Variants in SGCZ observed in about 807,000 individuals in gnomAD.
SGCZ encodes the protein sarcoglycan zeta, also known as zeta-sarcoglycan.
SGCZ carries 40 observed loss-of-function variants against 41.3 expected under a neutral mutation model. The observed-to-expected ratio is 0.97, with a 90% CI of 0.75 to 1.26. SGCZ has a LOEUF of 1.26. Ranked by LOEUF, SGCZ falls within the 50% of genes most tolerant of loss-of-function variation. SGCZ has a pLI of 0.00. For missense variants in SGCZ, 552 were observed against 369.8 expected (o/e 1.49, Z -4.04); for synonymous variants, 206 against 137.5 (o/e 1.50, Z -3.49).
At chr8:14,978,546 C>G (rs1429275330) in intron 1 of SGCZ, among the ~76,000 whole-genome samples, 1 of 135,960 alleles carries the variant, frequency 7.4e-6, no homozygotes, top group Non-Finnish European at 1.5e-5. Context: ...CCTTAAATTT[C>G]TGTCAGAGAG....
chr8:14,605,860 G>A (rs1466334601), intron 1 of SGCZ, among the ~76,000 whole-genome samples: 3 of 152,150 alleles, frequency 2.0e-5, no homozygotes, highest in East Asian at 1.9e-4. Context: ...ATGAGGGAAT[G>A]AGATGGCTCT....
intron 2 of SGCZ, among the ~76,000 whole-genome samples, chr8:14,412,638 C>T (rs1799390883): frequency 6.6e-6 from 1 of 151,998 alleles, no homozygotes; most frequent in African/African-American, 2.4e-5. Context: ...TTTTAATCTG[C>T]CTCATTTTCT....
chr8:14,994,563 A>G (rs1802146779), intron 1 of SGCZ, among the ~76,000 whole-genome samples: 1 of 151,396 alleles, frequency 6.6e-6, no homozygotes, highest in Non-Finnish European at 1.5e-5. Context: ...CAGCCTAGGC[A>G]ACAAGAGCAA....
At chr8:15,148,862 C>A (rs1799103728) in intron 1 of SGCZ, among the ~76,000 whole-genome samples, 1 of 152,124 alleles carries the variant, frequency 6.6e-6, no homozygotes, top group Admixed American at 6.6e-5. Flanking sequence ...TACCACTTGC[C>A]CCTCACACTG....
intron 2 of SGCZ, chr8:14,487,799 C>G (rs796663902): frequency 2.6e-5 from 4 of 152,168 alleles, no homozygotes; most frequent in African/African-American, 4.8e-5. Flanking sequence ...AAATCCAAAT[C>G]TACATGTCAT....
chr8:14,450,356 C>A (rs1014138824), intron 2 of SGCZ, among the ~76,000 whole-genome samples: 1 of 152,172 alleles, frequency 6.6e-6, no homozygotes, highest in Non-Finnish European at 1.5e-5. Context: ...TCAGCCTCCA[C>A]AGGAGAATTA....
chr8:14,754,011 A>C (rs553590346), intron 1 of SGCZ, among the ~76,000 whole-genome samples: 1 of 152,270 alleles, frequency 6.6e-6, no homozygotes, highest in South Asian at 2.1e-4. Context: ...ATTCAGGGCT[A>C]TCTCATATAG....
chr8:14,263,274 GA>G lies in SGCZ; in HGVS notation c.337-25596del, dbSNP rs199907109. ...AGTCTATGAAAAGATTTAAAAATCAGAAAAGGCCTCATGCCTGTAATCCCAG... is the reference window on the plus strand; with the variant it reads ...AGTCTATGAAAAGATTTAAAAATCAGAAAGGCCTCATGCCTGTAATCCCAG... On this transcript the variant is annotated intron_variant, in intron 3 of 7. Transcript: ENST00000382080. 3.0e-4 allele frequency among the ~76,000 whole-genome samples: 45 copies of G among 152,254 alleles called. No homozygotes were observed. In the East Asian group the frequency reaches 7.7e-3, roughly 26 times the overall value.
At chr8:14,153,045 GT>G (rs1803758426) in intron 5 of SGCZ, among the ~76,000 whole-genome samples, 1 of 152,064 alleles carries the variant, frequency 6.6e-6, no homozygotes, top group South Asian at 2.1e-4. Context: ...AAGGAGTGAG[GT>G]TTCAAAAAGA....
At chr8:14,979,140 A>C (rs181707660) in intron 1 of SGCZ, among the ~76,000 whole-genome samples, 1 of 152,320 alleles carries the variant, frequency 6.6e-6, no homozygotes, top group East Asian at 1.9e-4. Context: ...TATATGAAAA[A>C]CAATGGAAAA....
intron 1 of SGCZ, among the ~76,000 whole-genome samples, chr8:14,993,094 C>G (rs901855299): frequency 5.3e-5 from 8 of 152,310 alleles, no homozygotes; most frequent in South Asian, 2.1e-4. Context: ...CATACATCCT[C>G]TTCATACTAT....
chr8:15,235,877 C>G (rs528096711), intron 1 of SGCZ, among the ~76,000 whole-genome samples: 42 of 152,334 alleles, frequency 2.8e-4, no homozygotes, highest in African/African-American at 9.6e-4. Flanking sequence ...ATCATACATT[C>G]TTCTTCGCAT....
At chr8:15,009,594 GA>G (rs1229520462) in intron 1 of SGCZ, among the ~76,000 whole-genome samples, 2 of 152,028 alleles carry the variant, frequency 1.3e-5, no homozygotes, top group African/African-American at 2.4e-5. Context: ...GAAAATCATG[GA>G]AAAAAACTCC....
At chr8:14,957,530 G>C (rs999026574) in intron 1 of SGCZ, among the ~76,000 whole-genome samples, 1 of 151,902 alleles carries the variant, frequency 6.6e-6, no homozygotes, top group Non-Finnish European at 1.5e-5. Flanking sequence ...ATCTAAACCT[G>C]AATTTTACAA....
chr8:14,282,121 A>G, intron 3 of SGCZ, among the ~76,000 whole-genome samples: 1 of 98,358 alleles, frequency 1.0e-5, no homozygotes, highest in African/African-American at 3.8e-5. Context: ...TTGACTGCAC[A>G]TCTACTATGT....
intron 1 of SGCZ, among the ~76,000 whole-genome samples, chr8:14,999,892 C>T (rs1379102767): frequency 6.6e-6 from 1 of 152,168 alleles, no homozygotes; most frequent in East Asian, 1.9e-4. Context: ...ACTGGGATAA[C>T]GTGTGAACAA....
At chr8:14,673,884 T>C (rs1453280920) in intron 1 of SGCZ, among the ~76,000 whole-genome samples, 2 of 152,134 alleles carry the variant, frequency 1.3e-5, no homozygotes, top group East Asian at 3.9e-4. Flanking sequence ...GTATGATCTG[T>C]GATATACACA....
At chr8:14,669,726 AC>A (rs1808042226) in intron 1 of SGCZ, among the ~76,000 whole-genome samples, 2 of 142,958 alleles carry the variant, frequency 1.4e-5, no homozygotes, top group South Asian at 2.2e-4. Flanking sequence ...ACACACACAC[AC>A]ACACAATATT....
At chr8:14,898,281 G>A (rs1805278262) in intron 1 of SGCZ, among the ~76,000 whole-genome samples, 1 of 152,090 alleles carries the variant, frequency 6.6e-6, no homozygotes, top group African/African-American at 2.4e-5. Flanking sequence ...TTTAAAGGAG[G>A]AGGAAAGATC....
Sources: allele counts gnomAD v4.1 joint callset (sites outside exome capture counted in the v4.1 genomes callset), GRCh38; gene constraint gnomAD v4.1.1; transcripts MANE v1.5; gene names NCBI Gene and HGNC (gene_info 2026-07-23, HGNC 2026-07-21).